Variants in ADAMTSL1 observed in about 807,000 individuals in gnomAD.
ADAMTSL1 encodes ADAMTS like 1.
Under a neutral mutation model 201.8 loss-of-function variants are expected in ADAMTSL1, and 126 were observed. That is an observed-to-expected ratio of 0.62 (90% CI 0.54 to 0.72). The LOEUF is 0.72. Ranked by LOEUF, ADAMTSL1 falls within the 30% of genes least tolerant of loss-of-function variation. The pLI is 0.00. For missense variants in ADAMTSL1, 2,679 were observed against 2,277.8 expected (o/e 1.18, Z -3.59); for synonymous variants, 1,121 against 903.4 (o/e 1.24, Z -4.32).
chr9:18,847,667 G>A (rs1358154897), intron 23 of ADAMTSL1, among the ~76,000 whole-genome samples: 2 of 72,840 alleles, frequency 2.7e-5, no homozygotes, highest in South Asian at 9.7e-4. Context: ...GAGAAGAGAG[G>A]AGAAGAGCAT....
chr9:18,586,574 A>G (rs1823502961), intron 4 of ADAMTSL1, among the ~76,000 whole-genome samples: 1 of 152,164 alleles, frequency 6.6e-6, no homozygotes, highest in Non-Finnish European at 1.5e-5. Flanking sequence ...GACATTCTTC[A>G]CAGAACTAGA....
At chr9:18,596,425 T>G (rs1824265060) in intron 4 of ADAMTSL1, among the ~76,000 whole-genome samples, 1 of 152,180 alleles carries the variant, frequency 6.6e-6, no homozygotes. Context: ...TTTTTTCATC[T>G]GTACAAACAG....
chr9:18,142,982 T>C (rs371343606), intron 1 of ADAMTSL1, among the ~76,000 whole-genome samples: 11 of 152,312 alleles, frequency 7.2e-5, no homozygotes, highest in African/African-American at 2.6e-4. Flanking sequence ...AACACTAGTC[T>C]GGGTTTTGGA....
intron 19 of ADAMTSL1, among the ~76,000 whole-genome samples, chr9:18,790,191 C>T (rs1387236042): frequency 6.6e-6 from 1 of 152,180 alleles, no homozygotes; most frequent in East Asian, 1.9e-4. Context: ...TCTATGAGAT[C>T]TTCGCAAGAA....
intron 2 of ADAMTSL1, among the ~76,000 whole-genome samples, chr9:18,260,517 C>T (rs911049455): frequency 2.0e-5 from 3 of 152,244 alleles, no homozygotes; most frequent in African/African-American, 7.2e-5. Context: ...GGATCCTCCA[C>T]GGTGCCTGCC....
chr9:18,463,111 A>G (rs1019360240), intron 2 of ADAMTSL1, among the ~76,000 whole-genome samples: 18 of 152,224 alleles, frequency 1.2e-4, no homozygotes, highest in Admixed American at 1.1e-3. Flanking sequence ...CTCCAGAGAA[A>G]TATTTCTTTA....
chr9:18,510,545 G>C (rs1817964824), intron 2 of ADAMTSL1, among the ~76,000 whole-genome samples: 1 of 152,130 alleles, frequency 6.6e-6, no homozygotes, highest in Non-Finnish European at 1.5e-5. Context: ...AAAGTAGGCA[G>C]TGCTTGATTT....
intron 1 of ADAMTSL1, among the ~76,000 whole-genome samples, chr9:17,926,393 C>T (rs559424736): frequency 6.6e-6 from 1 of 152,212 alleles, no homozygotes; most frequent in South Asian, 2.1e-4. Context: ...TTTATTTCAC[C>T]ACTCGGCCAC....
At chr9:18,530,162 G>C (rs1221745070) in intron 2 of ADAMTSL1, among the ~76,000 whole-genome samples, 2 of 152,124 alleles carry the variant, frequency 1.3e-5, no homozygotes, top group African/African-American at 4.8e-5. Flanking sequence ...CATTATTTCA[G>C]TTGGTGATCC....
chr9:18,411,179 T>TTTA (rs1308218504), intron 2 of ADAMTSL1, among the ~76,000 whole-genome samples: 2 of 149,022 alleles, frequency 1.3e-5, no homozygotes, highest in Non-Finnish European at 3.0e-5. Flanking sequence ...TATTTATTTA[T>TTTA]TTATTTATTT....
chr9:18,174,938 T>C (rs891090820), intron 2 of ADAMTSL1, among the ~76,000 whole-genome samples: 3 of 152,188 alleles, frequency 2.0e-5, no homozygotes, highest in African/African-American at 7.2e-5. Context: ...CAGTTTCAAC[T>C]TGATGTTGAC....
At chr9:18,030,911 G>T (rs978771431) in intron 1 of ADAMTSL1, among the ~76,000 whole-genome samples, 7 of 152,020 alleles carry the variant, frequency 4.6e-5, no homozygotes, top group African/African-American at 1.7e-4. Context: ...TGAGTGACTG[G>T]TTTTTGAGCT....
At chr9:18,513,566 C>T (rs1264552373) in intron 2 of ADAMTSL1, among the ~76,000 whole-genome samples, 2 of 152,078 alleles carry the variant, frequency 1.3e-5, no homozygotes, top group Admixed American at 1.3e-4. Flanking sequence ...GAGATCATTG[C>T]CAAATCAATA....
At chr9:18,631,324 C>T (rs1233706944) in intron 5 of ADAMTSL1, among the ~76,000 whole-genome samples, 1 of 151,992 alleles carries the variant, frequency 6.6e-6, no homozygotes, top group East Asian at 1.9e-4. Flanking sequence ...TACAGATAAA[C>T]CAGGGAGAAA....
intron 15 of ADAMTSL1, among the ~76,000 whole-genome samples, chr9:18,732,933 A>G (rs1009561481): frequency 1.3e-5 from 2 of 152,190 alleles, no homozygotes; most frequent in African/African-American, 4.8e-5. Flanking sequence ...CTTACCCACA[A>G]TTTTATGAGA....
chr9:18,177,742 C>T (rs1484935029), intron 2 of ADAMTSL1, among the ~76,000 whole-genome samples: 2 of 152,150 alleles, frequency 1.3e-5, no homozygotes, highest in African/African-American at 4.8e-5. Context: ...TGCTGTCACT[C>T]ACTTTCTTTT....
At chr9:18,740,280 G>A (rs1299831763) in intron 15 of ADAMTSL1, among the ~76,000 whole-genome samples, 1 of 152,026 alleles carries the variant, frequency 6.6e-6, no homozygotes, top group Non-Finnish European at 1.5e-5. Flanking sequence ...CTGTGAGCTT[G>A]AACTGTAGTG....
chr9:18,552,828 A>C (rs1820868062), intron 3 of ADAMTSL1, among the ~76,000 whole-genome samples: 1 of 151,688 alleles, frequency 6.6e-6, no homozygotes, highest in African/African-American at 2.4e-5. Context: ...TATCTGATAT[A>C]AATATTCACC....
At chr9:18,517,254 C>A (rs1021234187) in intron 2 of ADAMTSL1, among the ~76,000 whole-genome samples, 1 of 152,102 alleles carries the variant, frequency 6.6e-6, no homozygotes, top group Non-Finnish European at 1.5e-5. Context: ...CCCCGGCCCC[C>A]ACCCCTAGCC....
Sources: gnomAD v4.1 joint callset for allele counts (sites outside exome capture counted in the v4.1 genomes callset) on GRCh38, gnomAD v4.1.1 for gene constraint, MANE v1.5 for transcripts, NCBI Gene and HGNC (gene_info 2026-07-23, HGNC 2026-07-21) for gene names.